Variants in PRPF8 observed in about 807,000 individuals in gnomAD.
PRPF8 encodes the protein pre-mRNA-processing-splicing factor 8.
A neutral mutation model predicts 285.9 loss-of-function variants in PRPF8; 64 were observed. The ratio of observed to expected loss-of-function variants is 0.22; its 90% CI spans 0.18 to 0.28. The LOEUF (loss-of-function observed/expected upper bound fraction) is 0.28, where lower values mean the gene tolerates loss of function less well. PRPF8 is among the 10% of genes least tolerant of loss of function. The pLI is 1.00. For synonymous variants in PRPF8, 1,325 were observed against 1,118.2 expected, an observed-to-expected ratio of 1.18 and a Z score of -3.69; for missense variants, 1,426 against 3,026.7, an observed-to-expected ratio of 0.47 and a Z score of 12.41.
chr17:1,683,889 T>C (rs918508813), intron 2 of PRPF8, among the ~76,000 whole-genome samples, 188 bp from the exon 3 acceptor site: 1 of 125,790 alleles, frequency 7.9e-6, no homozygotes, highest in Non-Finnish European at 1.7e-5. Flanking sequence ...ACTATCTGAC[T>C]TTTTTTTTTT....
At chr17:1,684,127 TC>T (rs1567694316) in intron 2 of PRPF8, among the ~76,000 whole-genome samples, 1 of 152,144 alleles carries the variant, frequency 6.6e-6, no homozygotes, top group South Asian at 2.1e-4. Context: ...CCTCAGGTGA[TC>T]CGCCCGCCTG....
chr17:1,654,926 T>C, intron 37 of PRPF8: 1 of 218,250 alleles, frequency 4.6e-6, no homozygotes, highest in South Asian at 6.6e-5. Context: ...CACTCAAGCC[T>C]GGCTAAGACA....
Position 1,650,894 on chromosome 17 carries a change from G to A in PRPF8, c.6916C>T (p.His2306Tyr). Reference protein sequence around the residue: ...LQLANPKEFYHEVHRPSHFLN... With the variant: ...LQLANPKEFYYEVHRPSHFLN... ...AAGTGAGAGGGCCTGTGCACCTCGT[G>A]GTAGAACTCTTTGGGGTTCGCCAGC... is the stretch of plus-strand genomic sequence containing the variant. The change falls in exon 43 of 43, where the codon CAC becomes TAC. Residue 2306 changes from histidine to tyrosine, a missense_variant. His to Tyr is a moderately conservative substitution (Grantham distance 83). Around this residue, in one of 34 missense-constraint regions of PRPF8, gnomAD observed 59 missense variants for 58.6 expected, o/e 1.01. Transcript: ENST00000304992. 5.0e-6 allele frequency: 8 copies of A among 1,614,154 alleles called. No individual in the cohort carries two copies. Among genetic ancestry groups the A allele is most frequent in the Non-Finnish European group, 6.8e-6 (8 of 1,180,028 alleles).
intron 34 of PRPF8, among the ~76,000 whole-genome samples, chr17:1,657,115 A>G (rs1252763532): frequency 6.6e-6 from 1 of 152,228 alleles, no homozygotes; most frequent in African/African-American, 2.4e-5. Context: ...AGGGGAGTTC[A>G]TTCTAGAAAG....
At chr17:1,670,918 T>A (rs1031678141) in intron 24 of PRPF8, among the ~76,000 whole-genome samples, 2 of 149,844 alleles carry the variant, frequency 1.3e-5, no homozygotes, top group Non-Finnish European at 2.9e-5. Flanking sequence ...AAAGTCTGCA[T>A]CTGTAGTGTG....
chr17:1,663,110 A>G (rs1217843949), intron 24 of PRPF8, among the ~76,000 whole-genome samples: 1 of 152,154 alleles, frequency 6.6e-6, no homozygotes, highest in Admixed American at 6.5e-5. Context: ...TTCTTGTACT[A>G]TATGTGAAGT....
intron 24 of PRPF8, chr17:1,672,830 T>C (rs1303653738): frequency 1.2e-5 from 7 of 586,822 alleles, no homozygotes; most frequent in African/African-American, 1.9e-5. Flanking sequence ...AATCCAACTT[T>C]TACTCTTGCC....
In PRPF8 at chr17:1,658,425, C is replaced by A; in HGVS notation, c.5377-44G>T. The A allele has an allele frequency of 6.2e-7, 1 of 1,614,202 alleles. No individual in the cohort carries two copies. On this transcript the variant is annotated intron_variant, in intron 33 of 42. Coordinates refer to ENST00000304992, the MANE Select transcript of PRPF8 (RefSeq NM_006445.4). This position sits in a 1 kb window ranked among gnomAD's most constrained non-coding sequence, Gnocchi z 4.1. ...CGTTAGCATGGCCTACACAACACAT[C>A]CCCATCCTGCCTTCTTCCCAGCATG... is the stretch of plus-strand genomic sequence containing the variant.
chr17:1,652,136 A>G, intron 39 of PRPF8: 1 of 416,374 alleles, frequency 2.4e-6, no homozygotes, highest in Non-Finnish European at 4.5e-6. Context: ...ACTTGGTGCT[A>G]TTTTAAGTTT....
chr17:1,677,803 G>A (rs1912684296), intron 13 of PRPF8, 109 bp from the exon 14 acceptor site: 4 of 1,431,460 alleles, frequency 2.8e-6, no homozygotes, highest in Non-Finnish European at 3.9e-6. Context: ...ACAGAGGAAT[G>A]TAGGTATGGC....
intron 6 of PRPF8, 139 bp from the exon 7 acceptor site, chr17:1,681,193 A>G (rs1225327778): frequency 3.1e-6 from 3 of 981,062 alleles, no homozygotes; most frequent in Admixed American, 4.0e-5. Flanking sequence ...ATCCTCCCAC[A>G]GCTCAGCTTC....
At position 1,679,308 on chromosome 17, in the gene PRPF8, A is replaced by AG; in HGVS notation, c.1391dup (p.Lys465Ter). The AG allele has an allele frequency of 6.2e-7, 1 of 1,614,134 alleles. No homozygotes were observed. The highest frequency in any genetic ancestry group is 8.5e-7 in the Non-Finnish European group (1 of 1,180,028). On this transcript the variant is annotated frameshift_variant, in exon 10 of 43. Coordinates refer to ENST00000304992, the MANE Select transcript of PRPF8 (RefSeq NM_006445.4). LOFTEE classifies it high-confidence loss of function. The surrounding 1 kb of genome is among the most constrained non-coding windows in gnomAD (Gnocchi z 4.7). ...CACCTTACCTCTTCTTTTGAGCCTT[A>AG]GGGGGCCGATGCTTCAGGGCATTCA...
intron 13 of PRPF8, 139 bp from the exon 14 acceptor site, chr17:1,677,833 A>G (rs559547158): frequency 5.1e-5 from 58 of 1,135,706 alleles, no homozygotes; most frequent in Non-Finnish European, 6.8e-5. Flanking sequence ...GTAAAAAGAA[A>G]AAAAAACTCT....
In PRPF8 at chr17:1,661,877, GT is replaced by G. The variant is rs768417646; in HGVS notation, c.4022+28del. On this transcript the variant is annotated intron_variant, in intron 25 of 42. Transcript: ENST00000304992. The surrounding 1 kb of genome is among the most constrained non-coding windows in gnomAD (Gnocchi z 7.3). ...CTTCCCTTAGGGCCTGAGCAATAGG[GT>G]TTAGAAATACGTTGAACCAGGCTGT... The G allele has an allele frequency of 3.1e-5, 50 of 1,614,078 alleles. 1 individual carries two copies. Among genetic ancestry groups the G allele is most frequent in the South Asian group, 2.1e-4 (19 of 91,088 alleles).
intron 2 of PRPF8, among the ~76,000 whole-genome samples, chr17:1,683,941 C>G (rs578015659): frequency 6.7e-6 from 1 of 150,088 alleles, no homozygotes; most frequent in South Asian, 2.1e-4. Context: ...GGCTGGAGTG[C>G]AATGGTGCGA....
intron 6 of PRPF8, 102 bp from the exon 7 acceptor site, chr17:1,681,156 G>T: frequency 7.6e-7 from 1 of 1,308,076 alleles, no homozygotes; most frequent in Non-Finnish European, 1.1e-6. Flanking sequence ...ATCGTTCACT[G>T]CAGCCGTGAC....
chr17:1,684,268 T>G lies in PRPF8; in HGVS notation c.100+204A>C, dbSNP rs1039499752. ...ATTTAAACCCCGTAAGGACAGGAATTTTGTCTCCGTCACTACTGTACCCCC... is the reference window on the plus strand; with the variant it reads ...ATTTAAACCCCGTAAGGACAGGAATGTTGTCTCCGTCACTACTGTACCCCC... On this transcript the variant is annotated intron_variant, in intron 2 of 42. Coordinates refer to ENST00000304992, the MANE Select transcript of PRPF8 (RefSeq NM_006445.4). 2.0e-5 allele frequency among the ~76,000 whole-genome samples: 3 copies of G among 152,298 alleles called. No individual in the cohort carries two copies. The South Asian group carries it at 6.2e-4, about 32-fold the overall frequency.
At chr17:1,654,333 T>C in intron 37 of PRPF8, 2 of 517,322 alleles carry the variant, frequency 3.9e-6, no homozygotes, top group Non-Finnish European at 7.0e-6. Context: ...CCTAGAATAC[T>C]GGTTCTTAAT....
In PRPF8 at chr17:1,661,865, C is replaced by G; in HGVS notation, c.4022+41G>C. 1.2e-6 allele frequency: 2 copies of G among 1,614,176 alleles called. No homozygotes were observed. Among genetic ancestry groups the G allele is most frequent in the South Asian group, 2.2e-5 (2 of 91,086 alleles). ...AAGAAATACCCACTTCCCTTAGGGC[C>G]TGAGCAATAGGGTTTAGAAATACGT... is the stretch of plus-strand genomic sequence containing the variant. On this transcript the variant is annotated intron_variant, in intron 25 of 42. Transcript: ENST00000304992. The surrounding 1 kb of genome is among the most constrained non-coding windows in gnomAD (Gnocchi z 7.3).
Sources: gnomAD v4.1 joint callset for allele counts (sites outside exome capture counted in the v4.1 genomes callset) on GRCh38, gnomAD v4.1.1 for gene constraint, gnomAD v4.1.1 regional missense constraint, Gnocchi (gnomAD v3.1) non-coding constraint, MANE v1.5 for transcripts, NCBI Gene and HGNC (gene_info 2026-07-23, HGNC 2026-07-21) for gene names.